RBFOX1: variants seen among roughly 807,000 people sequenced by gnomAD.
RBFOX1 encodes RNA binding protein fox-1 homolog 1.
RBFOX1 carries 8 observed loss-of-function variants against 57.7 expected under a neutral mutation model. The observed-to-expected ratio is 0.14, with a 90% CI of 0.08 to 0.25. The LOEUF is 0.25. RBFOX1 is among the 10% of genes least tolerant of loss of function. RBFOX1 has a pLI of 1.00. For synonymous variants in RBFOX1, 326 were observed against 222.4 expected, an observed-to-expected ratio of 1.47 and a Z score of -4.15; for missense variants, 611 against 548.5, an observed-to-expected ratio of 1.11 and a Z score of -1.14.
intron 1 of RBFOX1, among the ~76,000 whole-genome samples, chr16:5,343,438 T>C (rs11859492): frequency 0.14 from 20,536 of 151,426 alleles, 3,646 homozygotes; most frequent in African/African-American, 0.42. Flanking sequence ...CCTCAGCCTC[T>C]TGAGTAGCTG....
At chr16:7,185,818 C>G (rs144406127) in intron 4 of RBFOX1, among the ~76,000 whole-genome samples, 1 of 152,164 alleles carries the variant, frequency 6.6e-6, no homozygotes, top group Non-Finnish European at 1.5e-5. Flanking sequence ...GTCAGACTCT[C>G]AGGTACTTGA....
rs961799132 is a variant in RBFOX1, at chr16:7,165,451, T to A, written c.27+113353T>A. On this transcript the variant is annotated intron_variant, in intron 4 of 15. Transcript: ENST00000550418. The stretch of plus-strand genomic sequence containing the variant: ...ATTATTATTATTTTACCATTTGAGA[T>A]GGAGTTTCGCTCTTGTTCCCCAGGC... Among the ~76,000 whole-genome samples, 7 of 151,040 alleles carry A rather than the reference T, an allele frequency of 4.6e-5. No individual in the cohort carries two copies. In the East Asian group the frequency reaches 1.2e-3, roughly 25 times the overall value.
intron 11 of RBFOX1, among the ~76,000 whole-genome samples, chr16:7,632,195 C>T (rs1011452953): frequency 1.3e-5 from 2 of 152,188 alleles, no homozygotes; most frequent in Non-Finnish European, 2.9e-5. Context: ...AGGCGTGAGC[C>T]ACTGCCCCTG....
At chr16:5,969,298 C>CTTTTTTTTTTTTTTTTTTTTT (rs71142659) in intron 4 of RBFOX1, among the ~76,000 whole-genome samples, 2 of 83,750 alleles carry the variant, frequency 2.4e-5, no homozygotes, top group Non-Finnish European at 2.1e-5. Flanking sequence ...TTCGGTTGTT[C>CTTTTTTTTTTTTTTTTTTTTT]TTTTTTTTTT....
At position 5,757,519 on chromosome 16, in the gene RBFOX1, C is replaced by G. The variant is rs2053443931; in HGVS notation, c.319-109784C>G. 1.3e-5 allele frequency among the ~76,000 whole-genome samples: 2 copies of G among 152,014 alleles called. 1 individual carries two copies. Among genetic ancestry groups the G allele is most frequent in the South Asian group, 4.2e-4 (2 of 4,812 alleles). ...TGCTGGGATTACAGGCATGAGTCAC[C>G]ACACCCAGCCGGGTGGGAAGCTTTT... On this transcript the variant is annotated intron_variant, in intron 3 of 19. Coordinates refer to the RBFOX1 transcript ENST00000641259.
intron 3 of RBFOX1, among the ~76,000 whole-genome samples, chr16:6,752,478 G>T (rs764142013): frequency 3.7e-4 from 57 of 152,136 alleles, no homozygotes; most frequent in Admixed American, 1.1e-3. Flanking sequence ...ATGCTCTGTC[G>T]CTGGACCTTG....
rs192508447 is a variant in RBFOX1 at position 6,124,507 on chromosome 16, A to G, written c.-127+104515A>G. ...GGAAAGCCCATTGTTGCCTAACTCA[A>G]TTTTTTCTTTTTTTTGAGACAGTCT... On this transcript the variant is annotated intron_variant, in intron 1 of 15. Transcript: ENST00000550418. Among the ~76,000 whole-genome samples, 14 of 151,792 alleles carry G rather than the reference A, an allele frequency of 9.2e-5. No individual in the cohort carries two copies. In the East Asian group the frequency reaches 1.8e-3, roughly 19 times the overall value.
At position 7,188,683 on chromosome 16, in the gene RBFOX1, G is replaced by C. The variant is rs541668559; in HGVS notation, c.27+136585G>C. On this transcript the variant is annotated intron_variant, in intron 4 of 15. Transcript: ENST00000550418. ...CCTGAGTTGAACATGTCCTGCAGCA[G>C]GTTTCATTTATTCTGCTGCAGTCTT... is the stretch of plus-strand genomic sequence containing the variant. Among the ~76,000 whole-genome samples the C allele has an allele frequency of 8.5e-5, 13 of 152,222 alleles. No individual in the cohort carries two copies. The South Asian group carries it at 2.5e-3, about 29-fold the overall frequency.
intron 4 of RBFOX1, among the ~76,000 whole-genome samples, chr16:7,439,480 A>G (rs911091700): frequency 6.6e-6 from 1 of 152,156 alleles, no homozygotes; most frequent in Non-Finnish European, 1.5e-5. Context: ...ACAATTTTTA[A>G]CCCAGAATTA....
intron 1 of RBFOX1, among the ~76,000 whole-genome samples, chr16:6,109,092 G>T (rs1393007302): frequency 2.0e-5 from 3 of 152,148 alleles, no homozygotes; most frequent in South Asian, 2.1e-4. Flanking sequence ...ACAAGAATGG[G>T]GGTTTAGTCT....
At chr16:5,418,352 C>G (rs1007736682) in intron 1 of RBFOX1, among the ~76,000 whole-genome samples, 1 of 140,266 alleles carries the variant, frequency 7.1e-6, no homozygotes, top group African/African-American at 2.7e-5. Context: ...GGTGCGGTCA[C>G]AGGTGTCTGA....
intron 3 of RBFOX1, among the ~76,000 whole-genome samples, chr16:5,834,955 A>G (rs1253007446): frequency 6.6e-6 from 1 of 152,196 alleles, no homozygotes; most frequent in African/African-American, 2.4e-5. Flanking sequence ...ACCAGTTTAC[A>G]TTCCCACCAA....
At chr16:5,819,661 C>G (rs2055773926) in intron 3 of RBFOX1, among the ~76,000 whole-genome samples, 1 of 152,222 alleles carries the variant, frequency 6.6e-6, no homozygotes, top group African/African-American at 2.4e-5. Flanking sequence ...AGTTGTGTCT[C>G]CAGGCCCTTA....
intron 3 of RBFOX1, among the ~76,000 whole-genome samples, chr16:6,866,059 G>C (rs1031250485): frequency 1.3e-5 from 2 of 151,952 alleles, no homozygotes; most frequent in South Asian, 4.2e-4. Context: ...GAGTAAATCA[G>C]GATTGAAATA....
chr16:5,449,716 C>T (rs1389650066), intron 1 of RBFOX1, among the ~76,000 whole-genome samples: 1 of 152,176 alleles, frequency 6.6e-6, no homozygotes, highest in Non-Finnish European at 1.5e-5. Context: ...TCAAGTGATC[C>T]TCCCACCTCA....
At chr16:6,931,285 C>CTGTT (rs1567940987) in intron 3 of RBFOX1, among the ~76,000 whole-genome samples, 1 of 113,004 alleles carries the variant, frequency 8.8e-6, no homozygotes, top group African/African-American at 3.7e-5. Context: ...ATCTATCTGT[C>CTGTT]TGTCTGTCTG....
intron 3 of RBFOX1, among the ~76,000 whole-genome samples, chr16:6,920,832 A>T (rs2074299638): frequency 6.6e-6 from 1 of 152,124 alleles, no homozygotes; most frequent in South Asian, 2.1e-4. Context: ...CCATCTTGAG[A>T]TCCTTAACTT....
At chr16:5,716,917 A>G (rs149910631) in intron 3 of RBFOX1, among the ~76,000 whole-genome samples, 16 of 152,278 alleles carry the variant, frequency 1.1e-4, no homozygotes, top group Admixed American at 9.8e-4. Context: ...GCCTCCCAGC[A>G]CCGGAGCCTG....
rs538705267 is a variant in RBFOX1 at position 7,412,817 on chromosome 16, C to T, written c.28-105330C>T. ...CAGAGCTCTGGGAGGCCGAGGCAGG[C>T]GGACTGCGAGGTCAGGAGATCGAGA... On this transcript the variant is annotated intron_variant, in intron 4 of 15. Transcript: ENST00000550418. Among the ~76,000 whole-genome samples the T allele has an allele frequency of 2.3e-3, 357 of 152,212 alleles. 1 individual carries two copies. The highest frequency in any genetic ancestry group is 6.6e-3 in the South Asian group (32 of 4,830).
Sources: gnomAD v4.1 joint callset for allele counts (sites outside exome capture counted in the v4.1 genomes callset) on GRCh38, gnomAD v4.1.1 for gene constraint, MANE v1.5 for transcripts, NCBI Gene and HGNC (gene_info 2026-07-23, HGNC 2026-07-21) for gene names.